Variants in IGF2R observed in about 807,000 individuals in gnomAD.
IGF2R encodes the protein insulin like growth factor 2 receptor, also known as cation-independent mannose-6-phosphate receptor.
Under a neutral mutation model 270.6 loss-of-function variants are expected in IGF2R, and 91 were observed. The observed-to-expected ratio is 0.34, with a 90% CI of 0.28 to 0.40. The LOEUF is 0.40. Among genes scored for constraint, IGF2R ranks in the 10% least tolerant of loss-of-function variants. The pLI is 1.00. For synonymous variants in IGF2R, 1,316 were observed against 1,258.9 expected (o/e 1.05, Z -0.96); for missense variants, 2,805 against 3,188.3 (o/e 0.88, Z 2.90).
chr6:160,066,401 C>T (rs1461383036), intron 29 of IGF2R, among the ~76,000 whole-genome samples: 1 of 152,160 alleles, frequency 6.6e-6, no homozygotes, highest in Non-Finnish European at 1.5e-5. Context: ...CCTCCGTCTG[C>T]CTTGGCCTCC....
intron 10 of IGF2R, among the ~76,000 whole-genome samples, chr6:160,037,818 T>C (rs563458284): frequency 6.6e-6 from 1 of 152,334 alleles, no homozygotes; most frequent in African/African-American, 2.4e-5. Context: ...CTCTGCTCCA[T>C]GTGGTCATTT....
At chr6:159,980,239 G>GAAGGAAAGAAGGAAAGAAGGAAAGAA in intron 1 of IGF2R, among the ~76,000 whole-genome samples, 2 of 145,872 alleles carry the variant, frequency 1.4e-5, no homozygotes, top group African/African-American at 5.1e-5. Context: ...AAGAAAGAAA[G>GAAGGAAAGAAGGAAAGAAGGAAAGAA]GTACATGGAA....
At chr6:160,016,011 A>G (rs910578917) in intron 4 of IGF2R, among the ~76,000 whole-genome samples, 2 of 152,218 alleles carry the variant, frequency 1.3e-5, no homozygotes, top group Non-Finnish European at 2.9e-5. Flanking sequence ...TACAACCTGC[A>G]GAACTGTGAG....
intron 2 of IGF2R, among the ~76,000 whole-genome samples, chr6:160,000,772 G>A (rs908020962): frequency 2.7e-5 from 3 of 112,428 alleles, no homozygotes; most frequent in African/African-American, 3.5e-5. Flanking sequence ...ATCTTGCTCT[G>A]TTGCCCAGGC....
In IGF2R at chr6:160,050,529, G is replaced by T. The variant is rs144149334; in HGVS notation, c.2571G>T (p.Pro857=). The change falls in exon 19 of 48, where the codon CCG becomes CCT. Residue 857 remains proline (P), a synonymous_variant. Coordinates refer to ENST00000356956, the MANE Select transcript of IGF2R (RefSeq NM_000876.4). The surrounding 1 kb of genome is among the most constrained non-coding windows in gnomAD (Gnocchi z 4.0). ...ISNLGMAKTG[P]VVEDSGSLLL... is the part of the protein sequence containing the mutation. ...ACTTGGGAATGGCAAAGACCGGCCC[G>T]GTGGTTGAGGACAGCGGCAGCCTCC... 1 of 1,613,986 alleles carries T rather than the reference G, an allele frequency of 6.2e-7. No homozygotes were observed. The highest frequency in any genetic ancestry group is 1.1e-5 in the South Asian group (1 of 91,078).
At position 160,090,045 on chromosome 6, in the gene IGF2R, C is replaced by G. The variant is rs201255628; in HGVS notation, c.6597C>G (p.Asn2199Lys). 18 of 1,598,884 alleles carry G rather than the reference C, an allele frequency of 1.1e-5. No homozygotes were observed. The African/African-American group carries it at 1.6e-4, about 14-fold the overall frequency. The change falls in exon 44 of 48, where the codon AAC becomes AAG. Residue 2199 changes from asparagine to lysine, a missense_variant. By Grantham distance (94) the Asn-to-Lys change is moderately conservative (BLOSUM62 0). Transcript: ENST00000356956. ...CCAACATATGCCAGGTGAAGCCCAACGATCAGCACTTCAGTCGGAAAGTTG... is the reference window on the plus strand; with the variant it reads ...CCAACATATGCCAGGTGAAGCCCAAGGATCAGCACTTCAGTCGGAAAGTTG... ...SGANICQVKP[N>K]DQHFSRKVGT...
chr6:160,092,063 C>G (rs1012429874), intron 44 of IGF2R, among the ~76,000 whole-genome samples: 2 of 151,986 alleles, frequency 1.3e-5, no homozygotes, highest in African/African-American at 4.8e-5. Flanking sequence ...GAAGGCCCAC[C>G]TTCTCATAGC....
In IGF2R at chr6:160,047,879, T is replaced by C. The variant is rs761932623; in HGVS notation, c.2317T>C (p.Ser773Pro). 6.2e-7 allele frequency: 1 copy of C among 1,613,386 alleles called. No individual in the cohort carries two copies. The highest frequency in any genetic ancestry group is 1.1e-5 in the South Asian group (1 of 91,068). ...CCTGGAATGCGTAGTGACCGACCCCTCCACGCTGGAGCAGTACGACCTCTC... is the reference window on the plus strand; with the variant it reads ...CCTGGAATGCGTAGTGACCGACCCCCCCACGCTGGAGCAGTACGACCTCTC... ...EPLECVVTDP[S>P]TLEQYDLSSL... Residue 773 changes from serine to proline, a missense_variant, in exon 17 of 48, where the codon TCC (serine) becomes CCC (proline). Ser to Pro is a moderately conservative substitution (Grantham distance 74). Transcript: ENST00000356956.
chr6:160,096,033 A>C (rs556470284), intron 44 of IGF2R: 1 of 155,120 alleles, frequency 6.4e-6, no homozygotes, highest in South Asian at 2.0e-4. Flanking sequence ...ATAGAAAGGG[A>C]AGAATATCTG....
intron 35 of IGF2R, 99 bp downstream of exon 35, chr6:160,074,074 T>TA (rs1340757822): frequency 5.4e-5 from 44 of 808,770 alleles, no homozygotes; most frequent in Admixed American, 3.9e-4. Flanking sequence ...TGCTCAAGCA[T>TA]AAAAAAAATG....
At position 160,102,915 on chromosome 6, in the gene IGF2R, G is replaced by A. The variant is rs1779521772; in HGVS notation, c.6995+244G>A. Among the ~76,000 whole-genome samples the A allele has an allele frequency of 6.6e-6, 1 of 152,142 alleles. No individual in the cohort carries two copies. Among genetic ancestry groups the A allele is most frequent in the Non-Finnish European group, 1.5e-5 (1 of 68,026 alleles). ...CCGTGCCTGCGGCTTCTAGGACCGT[G>A]GTCCTTTGTGTCCAAAGATGAGTAG... On this transcript the variant is annotated intron_variant, in intron 46 of 47. Transcript: ENST00000356956. This position sits in a 1 kb window ranked among gnomAD's most constrained non-coding sequence, Gnocchi z 4.5.
rs537321923 is a variant in IGF2R at position 160,086,787 on chromosome 6, G to C, written c.6206-1246G>C. On this transcript the variant is annotated intron_variant, in intron 41 of 47. Transcript: ENST00000356956. ...CCACCTCACCATCCAGCAGCCCTCAGTACCTCAGCCTGTGTCCTGTGGAAA... is the reference window on the plus strand; with the variant it reads ...CCACCTCACCATCCAGCAGCCCTCACTACCTCAGCCTGTGTCCTGTGGAAA... Among the ~76,000 whole-genome samples the C allele has an allele frequency of 4.6e-5, 7 of 152,302 alleles. No individual in the cohort carries two copies. In the South Asian group the frequency reaches 1.4e-3, roughly 32 times the overall value.
At chr6:160,066,480 T>A (rs924358014) in intron 29 of IGF2R, among the ~76,000 whole-genome samples, 3 of 152,142 alleles carry the variant, frequency 2.0e-5, no homozygotes, top group African/African-American at 7.2e-5. Context: ...ATGCTAAGTT[T>A]TTAAAAGTAG....
rs1165407781 is a variant in IGF2R at position 160,064,473 on chromosome 6, A to G, written c.3959A>G (p.His1320Arg). ...KMNFTGGDTC[H>R]KVYQRSTAIF... ...AACTTCACGGGGGGGGACACTTGCCATAAGGTTTATCAGCGCTCCACAGCC... is the reference window on the plus strand; with the variant it reads ...AACTTCACGGGGGGGGACACTTGCCGTAAGGTTTATCAGCGCTCCACAGCC... The change falls in exon 28 of 48, where the codon CAT becomes CGT. Residue 1320 changes from histidine to arginine, a missense_variant. His to Arg is a conservative substitution (Grantham distance 29). Around this residue, in one of 2 missense-constraint regions of IGF2R, gnomAD observed 1,851 missense variants for 2,207.2 expected, o/e 0.84. Coordinates refer to ENST00000356956, the MANE Select transcript of IGF2R (RefSeq NM_000876.4). The G allele has an allele frequency of 3.7e-6, 6 of 1,614,034 alleles. No homozygotes were observed. Among genetic ancestry groups the G allele is most frequent in the Middle Eastern group, 1.6e-4 (1 of 6,084 alleles).
At chr6:160,060,490 G>C in intron 22 of IGF2R, 57 bp from the exon 23 acceptor site, 1 of 1,563,228 alleles carries the variant, frequency 6.4e-7, no homozygotes, top group Non-Finnish European at 8.8e-7. Context: ...CTGTGCTTGT[G>C]GGCTGCGCCA....
chr6:159,980,961 A>AGC (rs1302810422), intron 1 of IGF2R, among the ~76,000 whole-genome samples: 3 of 152,204 alleles, frequency 2.0e-5, no homozygotes. Context: ...ATCATCACGG[A>AGC]GCAGGGTTTA....
intron 14 of IGF2R, 142 bp from the exon 15 acceptor site, chr6:160,046,356 G>A: frequency 1.4e-6 from 1 of 719,656 alleles, no homozygotes; most frequent in African/African-American, 1.8e-5. Flanking sequence ...TCAAGGGGCA[G>A]CGTCTCTTCT....
intron 44 of IGF2R, chr6:160,095,213 G>T (rs1779326111): frequency 6.6e-6 from 1 of 152,230 alleles, no homozygotes; most frequent in African/African-American, 2.4e-5. Flanking sequence ...TTGGGACACG[G>T]TTACCACCAG....
In IGF2R at chr6:160,078,182, G is replaced by A. The variant is rs370782434; in HGVS notation, c.5317-19G>A. 1.7e-5 allele frequency: 27 copies of A among 1,613,122 alleles called. No homozygotes were observed. Among genetic ancestry groups the A allele is most frequent in the Middle Eastern group, 1.6e-4 (1 of 6,072 alleles). The stretch of plus-strand genomic sequence containing the variant: ...CTATGCCATGGGGTTTTTAAGACCC[G>A]TGCTCTTCCTGGCAACAGGGAACGC... On this transcript the variant is annotated intron_variant, in intron 36 of 47. Transcript: ENST00000356956.
Sources: gnomAD v4.1 joint callset for allele counts (sites outside exome capture counted in the v4.1 genomes callset) on GRCh38, gnomAD v4.1.1 for gene constraint, gnomAD v4.1.1 regional missense constraint, Gnocchi (gnomAD v3.1) non-coding constraint, MANE v1.5 for transcripts, NCBI Gene and HGNC (gene_info 2026-07-23, HGNC 2026-07-21) for gene names.